OR2C1: variants seen among roughly 807,000 people sequenced by gnomAD.
The protein encoded by OR2C1 is olfactory receptor family 2 subfamily C member 1, also known as olfactory receptor 2C1.
For synonymous variants in OR2C1, 209 were observed against 167.3 expected, an observed-to-expected ratio of 1.25 and a Z score of -1.92; for missense variants, 468 against 388.3, an observed-to-expected ratio of 1.21 and a Z score of -1.73.
chr16:3,344,380 G>A, the OR2C1 span, among the ~76,000 whole-genome samples: 1 of 152,142 alleles, frequency 6.6e-6, no homozygotes, highest in Admixed American at 6.5e-5. Flanking sequence ...AGTAATCAGA[G>A]AAATGCAAAT....
rs778849622 is a variant in OR2C1, at chr16:3,356,270, C to T, written c.330C>T (p.Thr110=). Residue 110 remains threonine (T), a synonymous_variant, in exon 1 of 1, where the codon ACC becomes ACT. Transcript: ENST00000304936. ...QLYVFLWLGA[T]ECILLVVMAF... is the part of the protein sequence containing the mutation. ...ATGTCTTCCTTTGGCTGGGGGCCAC[C>T]GAGTGCATCCTGCTGGTGGTGATGG... The T allele has an allele frequency of 7.4e-6, 12 of 1,613,738 alleles. No individual in the cohort carries two copies. Among genetic ancestry groups the T allele is most frequent in the Middle Eastern group, 1.6e-4 (1 of 6,084 alleles).
chr16:3,332,866 T>G, the OR2C1 span, among the ~76,000 whole-genome samples: 1 of 152,126 alleles, frequency 6.6e-6, no homozygotes, highest in African/African-American at 2.4e-5. Flanking sequence ...TTCAATATAT[T>G]GACTTCCTTT....
At chr16:3,335,388 A>G in the OR2C1 span, among the ~76,000 whole-genome samples, 1 of 151,950 alleles carries the variant, frequency 6.6e-6, no homozygotes, top group Admixed American at 6.6e-5. Context: ...TCTTTGTATA[A>G]TCTTTTACTT....
At chr16:3,330,153 C>T in the OR2C1 span, among the ~76,000 whole-genome samples, 1 of 152,048 alleles carries the variant, frequency 6.6e-6, no homozygotes, top group East Asian at 1.9e-4. Context: ...GTTGCCCAGG[C>T]TGGAGTGCAG....
chr16:3,326,864 A>T, the OR2C1 span, among the ~76,000 whole-genome samples: 2 of 152,216 alleles, frequency 1.3e-5, no homozygotes, highest in Admixed American at 6.5e-5. Context: ...CATAGAAAGC[A>T]GAATAGAGTG....
chr16:3,329,426 A>C, the OR2C1 span, among the ~76,000 whole-genome samples: 933 of 152,250 alleles, frequency 6.1e-3, 10 homozygotes, highest in African/African-American at 0.022. Flanking sequence ...AAAAACATGC[A>C]TACCTAGAAA....
chr16:3,336,928 G>A, the OR2C1 span, among the ~76,000 whole-genome samples: 4 of 151,624 alleles, frequency 2.6e-5, no homozygotes, highest in South Asian at 4.2e-4. Context: ...GGCTGGTCTC[G>A]AACTCCCGAC....
At chr16:3,333,355 G>T in the OR2C1 span, among the ~76,000 whole-genome samples, 21 of 150,948 alleles carry the variant, frequency 1.4e-4, no homozygotes, top group Non-Finnish European at 2.5e-4. Flanking sequence ...TAGTTTATTT[G>T]AGACGGAGTC....
chr16:3,340,439 T>A, the OR2C1 span, among the ~76,000 whole-genome samples: 1 of 152,212 alleles, frequency 6.6e-6, no homozygotes, highest in Non-Finnish European at 1.5e-5. Context: ...AATAATGCCC[T>A]ATGATACACA....
chr16:3,334,476 C>T, the OR2C1 span, among the ~76,000 whole-genome samples: 1 of 150,130 alleles, frequency 6.7e-6, no homozygotes. Flanking sequence ...CAGGGTTTTA[C>T]CATGTTGCCC....
chr16:3,340,562 A>G, the OR2C1 span, among the ~76,000 whole-genome samples: 1 of 152,206 alleles, frequency 6.6e-6, no homozygotes, highest in Admixed American at 6.5e-5. Flanking sequence ...TCCTTCTAAG[A>G]GTTCACAGTT....
At chr16:3,329,565 T>C in the OR2C1 span, among the ~76,000 whole-genome samples, 67 of 151,646 alleles carry the variant, frequency 4.4e-4, no homozygotes, top group African/African-American at 1.5e-3. Context: ...TTCTCCTGCC[T>C]CAGCCTCCTG....
At chr16:3,352,886 C>T (rs2030595774), upstream of OR2C1, among the ~76,000 whole-genome samples, 1 of 151,718 alleles carries the variant, frequency 6.6e-6, no homozygotes. Context: ...GGATTACAGA[C>T]ATGTAGCACC....
Position 3,356,544 on chromosome 16 carries a change from G to T in OR2C1, c.604G>T (p.Val202Phe). 5.0e-6 allele frequency: 8 copies of T among 1,614,196 alleles called. 1 individual carries two copies. In the South Asian group the frequency reaches 5.5e-5, roughly 11 times the overall value. The change falls in exon 1 of 1, where the codon GTC (valine) becomes TTC (phenylalanine). Residue 202 changes from valine (V) to phenylalanine (F), a missense_variant. Transcript: ENST00000304936. ...TSLNQAVLNG[V>F]CTFFTAVPLS... ...TCTCAACCAGGCTGTGCTCAATGGT[G>T]TCTGCACCTTCTTCACTGCAGTCCC...
chr16:3,355,472 AGC>A (rs2030649005), upstream of OR2C1, among the ~76,000 whole-genome samples: 1 of 141,434 alleles, frequency 7.1e-6, no homozygotes, highest in African/African-American at 2.6e-5. Context: ...AAAAAAAAAA[AGC>A]TTGCAATCTT....
chr16:3,343,679 C>T, the OR2C1 span, among the ~76,000 whole-genome samples: 38 of 152,166 alleles, frequency 2.5e-4, no homozygotes, highest in South Asian at 8.3e-4. Flanking sequence ...TTGAACTCAG[C>T]GGGCAGAAGT....
At chr16:3,329,070 C>T in the OR2C1 span, among the ~76,000 whole-genome samples, 1 of 151,598 alleles carries the variant, frequency 6.6e-6, no homozygotes, top group Admixed American at 6.6e-5. Flanking sequence ...TCTTGGCTCA[C>T]TGACGGAGCC....
At chr16:3,336,826 A>G in the OR2C1 span, among the ~76,000 whole-genome samples, 1 of 148,086 alleles carries the variant, frequency 6.8e-6, no homozygotes, top group East Asian at 2.0e-4. Context: ...CTTCTTCTTC[A>G]GCCTCCCGCG....
chr16:3,337,001 C>A, the OR2C1 span, among the ~76,000 whole-genome samples: 1 of 150,906 alleles, frequency 6.6e-6, no homozygotes, highest in South Asian at 2.1e-4. Context: ...AGCCACTGCG[C>A]CTGGCCCATG....
Sources: allele counts gnomAD v4.1 joint callset (sites outside exome capture counted in the v4.1 genomes callset), GRCh38; gene constraint gnomAD v4.1.1; transcripts MANE v1.5; gene names NCBI Gene and HGNC (gene_info 2026-07-23, HGNC 2026-07-21).